Variants in CFAP74 observed in about 807,000 individuals in gnomAD.
The protein encoded by CFAP74 is cilia- and flagella-associated protein 74.
In CFAP74, 124 loss-of-function variants were observed where a neutral mutation model predicts 188.9. The ratio of observed to expected loss-of-function variants is 0.66; its 90% CI spans 0.57 to 0.76. CFAP74 has a LOEUF of 0.76. Ranked by LOEUF, CFAP74 falls within the 30% of genes least tolerant of loss-of-function variation. CFAP74 has a pLI of 0.00. For missense variants in CFAP74, 2,198 were observed against 2,165.2 expected (o/e 1.02, Z -0.30); for synonymous variants, 956 against 916.7 (o/e 1.04, Z -0.77).
Position 1,946,340 on chromosome 1 carries a change from A to G in CFAP74, c.2341T>C (p.Phe781Leu). The G allele has an allele frequency of 6.5e-7, 1 of 1,536,440 alleles. No homozygotes were observed. Among genetic ancestry groups the G allele is most frequent in the Non-Finnish European group, 8.7e-7 (1 of 1,146,762 alleles). ...GDVQARFKVT[F>L]KNPQCPTLHF... is the part of the protein sequence containing the mutation. The stretch of plus-strand genomic sequence containing the variant: ...ACCGTGGGGCACTGGGGGTTCTTAA[A>G]CGTGACTTTGAACCTGGCTTGGACG... The change falls in exon 20 of 39, where the codon TTT becomes CTT. Residue 781 changes from phenylalanine (F) to leucine (L), a missense_variant. Coordinates refer to ENST00000682832, the MANE Select transcript of CFAP74 (RefSeq NM_001304360.2).
At chr1:1,959,337 A>G (rs1654899034) in intron 15 of CFAP74, 128 bp from the exon 16 acceptor site, 3 of 608,018 alleles carry the variant, frequency 4.9e-6, no homozygotes, top group African/African-American at 1.9e-5. Context: ...ATTCACTGCA[A>G]CCCCCCTCCA....
chr1:1,926,848 G>A (rs757354224), intron 29 of CFAP74, 46 bp downstream of exon 29: 15 of 1,549,172 alleles, frequency 9.7e-6, no homozygotes, highest in African/African-American at 9.6e-5. Context: ...GAGGGACAGC[G>A]CGTTTGCGGC....
chr1:1,940,594 C>T (rs934982256), intron 22 of CFAP74, among the ~76,000 whole-genome samples, 191 bp from the exon 23 acceptor site: 9 of 152,292 alleles, frequency 5.9e-5, no homozygotes, highest in Middle Eastern at 3.4e-3. Flanking sequence ...CCTGTGGCCC[C>T]GTGAGGGCTC....
intron 25 of CFAP74, among the ~76,000 whole-genome samples, chr1:1,937,802 G>T (rs2474453): frequency 0.39 from 57,785 of 149,766 alleles, 13,593 homozygotes; most frequent in Admixed American, 0.52. Flanking sequence ...GCAGAGACTG[G>T]CTGGTCGCAC....
chr1:1,965,239 A>T lies in CFAP74; in HGVS notation c.1402-178T>A, dbSNP rs141165787. Among the ~76,000 whole-genome samples the T allele has an allele frequency of 2.4e-4, 34 of 142,030 alleles. 1 individual carries two copies. The East Asian group carries it at 6.9e-3, about 29-fold the overall frequency. The allele number at this position is 142,030 out of a possible 152,430, so 93.2% of individuals were successfully genotyped here. ...CCCGGGGAGTTGCTCTGAGTTGCTC[A>T]GAAAGGCCCTGGGGACCGACTGACT... On this transcript the variant is annotated intron_variant, in intron 12 of 38. Transcript: ENST00000682832.
chr1:1,959,947 G>C lies in CFAP74; in HGVS notation c.1761+17C>G. 6.3e-7 allele frequency: 1 copy of C among 1,576,090 alleles called. No individual in the cohort carries two copies. Among genetic ancestry groups the C allele is most frequent in the Non-Finnish European group, 8.6e-7 (1 of 1,162,788 alleles). ...CACCACCTCCCCTTCGAGAGAGAACGGGCCCCTCTGACTCACCATCGGCTT... is the reference window on the plus strand; with the variant it reads ...CACCACCTCCCCTTCGAGAGAGAACCGGCCCCTCTGACTCACCATCGGCTT... On this transcript the variant is annotated intron_variant, in intron 15 of 38. Transcript: ENST00000682832.
intron 31 of CFAP74, 36 bp from the exon 32 acceptor site, chr1:1,926,383 T>C: frequency 6.5e-7 from 1 of 1,550,084 alleles, no homozygotes; most frequent in Non-Finnish European, 8.7e-7. Context: ...TACAGGTGTC[T>C]GCAGGCTCTA....
chr1:1,959,235 C>G (rs1412822607), intron 15 of CFAP74, 26 bp from the exon 16 acceptor site: 1 of 1,439,452 alleles, frequency 6.9e-7, no homozygotes, highest in Non-Finnish European at 9.7e-7. Context: ...ACCCCCACCA[C>G]AATACACTTC....
intron 25 of CFAP74, among the ~76,000 whole-genome samples, chr1:1,938,548 GCA>G (rs1267129519): frequency 7.3e-5 from 11 of 151,698 alleles, no homozygotes; most frequent in Admixed American, 7.2e-4. Context: ...ATACGTCTGC[GCA>G]CACACGTTCA....
chr1:1,938,812 G>A, intron 25 of CFAP74, 43 bp downstream of exon 25: 1 of 1,526,850 alleles, frequency 6.5e-7, no homozygotes, highest in Non-Finnish European at 8.8e-7. Flanking sequence ...CTCCTGAGCG[G>A]GCACTCCAGG....
intron 1 of CFAP74, among the ~76,000 whole-genome samples, chr1:1,991,907 G>A (rs1570991073): frequency 6.6e-6 from 1 of 151,952 alleles, no homozygotes; most frequent in Admixed American, 6.6e-5. Context: ...GGGCATGGTG[G>A]CAGGCGCCTG....
chr1:1,937,063 G>A (rs933388177), intron 25 of CFAP74, among the ~76,000 whole-genome samples: 5 of 152,208 alleles, frequency 3.3e-5, no homozygotes, highest in African/African-American at 7.2e-5. Flanking sequence ...ACTGGGAAGC[G>A]TGTTAGGAAG....
intron 18 of CFAP74, chr1:1,954,688 CAGG>C (rs1165809451): frequency 4.4e-6 from 2 of 451,992 alleles, no homozygotes; most frequent in South Asian, 6.4e-5. Flanking sequence ...GGAGCTGAGG[CAGG>C]AGGATTGCTT....
At chr1:1,925,621 C>T (rs1032241385) in intron 33 of CFAP74, among the ~76,000 whole-genome samples, 162 bp downstream of exon 33, 2 of 152,242 alleles carry the variant, frequency 1.3e-5, no homozygotes, top group South Asian at 2.1e-4. Flanking sequence ...CAGGAGAGGG[C>T]GGCAGAGGCG....
rs771494069 is a variant in CFAP74 at position 1,959,123 on chromosome 1, A to G, written c.1848T>C (p.Cys616=). ...GCTCGGACACCTTTGAACTCACCGAACATTTCTTTGTTGAACATTTCAGTG... is the reference window on the plus strand; with the variant it reads ...GCTCGGACACCTTTGAACTCACCGAGCATTTCTTTGTTGAACATTTCAGTG... ...SVPLKCSTKK[C]SLSLDKELID... Residue 616 remains cysteine (C), a synonymous_variant, in exon 16 of 39, where the codon TGT becomes TGC. Coordinates refer to ENST00000682832, the MANE Select transcript of CFAP74 (RefSeq NM_001304360.2). 2.5e-6 allele frequency: 4 copies of G among 1,609,720 alleles called. No homozygotes were observed. The highest frequency in any genetic ancestry group is 2.2e-5 in the East Asian group (1 of 44,846).
chr1:1,926,642 A>G lies in CFAP74; in HGVS notation c.3772+10T>C. ...CGGGGTGGAGGTGTGGGCGGGGCTT[A>G]GCGTCTCACCCACAGCGACGTCGCC... On this transcript the variant is annotated intron_variant, in intron 30 of 38. Transcript: ENST00000682832. 1 of 1,547,478 alleles carries G rather than the reference A, an allele frequency of 6.5e-7. No homozygotes were observed. Among genetic ancestry groups the G allele is most frequent in the Non-Finnish European group, 8.7e-7 (1 of 1,144,484 alleles).
At chr1:1,922,818 C>T (rs2102026571) in intron 37 of CFAP74, 95 bp from the exon 38 acceptor site, 1 of 1,493,892 alleles carries the variant, frequency 6.7e-7, no homozygotes, top group Non-Finnish European at 8.9e-7. Flanking sequence ...ACTCACCCTC[C>T]CAGCTCTGAC....
intron 9 of CFAP74, among the ~76,000 whole-genome samples, chr1:1,971,207 ACCTGCACACATACGCGTGCACG>A (rs1656006763): frequency 1.3e-5 from 2 of 150,998 alleles, no homozygotes; most frequent in Admixed American, 6.6e-5. Context: ...TTACATGCAC[ACCTGCACACATACGCGTGCACG>A]CCTGCACACA....
At position 1,952,419 on chromosome 1, in the gene CFAP74, C is replaced by T. The variant is rs185140588; in HGVS notation, c.2176+3272G>A. Reference sequence around the variant, plus strand: ...AAAGCACAAAATAAGATGGTAGAAACGAATCCAAATATATCAATCATCACA... The same window carrying T: ...AAAGCACAAAATAAGATGGTAGAAATGAATCCAAATATATCAATCATCACA... On this transcript the variant is annotated intron_variant, in intron 18 of 38. Transcript: ENST00000682832. Among the ~76,000 whole-genome samples, 35 of 149,638 alleles carry T rather than the reference C, an allele frequency of 2.3e-4. No individual in the cohort carries two copies. In the East Asian group the frequency reaches 5.3e-3, roughly 23 times the overall value.
Sources: allele counts gnomAD v4.1 joint callset (sites outside exome capture counted in the v4.1 genomes callset), GRCh38; gene constraint gnomAD v4.1.1; transcripts MANE v1.5; gene names NCBI Gene and HGNC (gene_info 2026-07-23, HGNC 2026-07-21).